DLGAP2: variants seen among roughly 807,000 people sequenced by gnomAD.
The protein encoded by DLGAP2 is DLG associated protein 2, also known as disks large-associated protein 2.
In DLGAP2, 26 loss-of-function variants were observed where a neutral mutation model predicts 100.3. The observed-to-expected ratio is 0.26, with a 90% CI of 0.19 to 0.36. The LOEUF (loss-of-function observed/expected upper bound fraction) is 0.36. DLGAP2 is among the 10% of genes least tolerant of loss of function. The probability of loss-of-function intolerance (pLI) is 1.00; values close to 1 mark genes in which losing one functional copy is unlikely to be tolerated. For missense variants in DLGAP2, 1,858 were observed against 1,453.2 expected (o/e 1.28, Z -4.53); for synonymous variants, 886 against 630.1 (o/e 1.41, Z -6.08).
intron 1 of DLGAP2, among the ~76,000 whole-genome samples, chr8:773,471 A>G (rs1371613627): frequency 6.6e-6 from 1 of 151,262 alleles, no homozygotes; most frequent in Non-Finnish European, 1.5e-5. Flanking sequence ...AGCATTAGGT[A>G]TATCGCCCAG....
intron 2 of DLGAP2, among the ~76,000 whole-genome samples, chr8:1,202,712 A>G (rs982344844): frequency 3.9e-5 from 6 of 152,102 alleles, no homozygotes; most frequent in Admixed American, 2.6e-4. Context: ...CCTACTGCCC[A>G]ACGCTTCCTC....
chr8:1,515,769 C>CA (rs11463985), intron 4 of DLGAP2, among the ~76,000 whole-genome samples: 97,155 of 151,970 alleles, frequency 0.64, 31,504 homozygotes, highest in South Asian at 0.8. Context: ...CACAAACATA[C>CA]AACACATACA....
rs554496460 is a variant in DLGAP2, at chr8:1,101,070, A to G, written c.74-157781A>G. ...TCCTGGCGTTCACAAGCCCACGTCTACTCCTCAGGGGCTAGAAGGGCCTGA... is the reference window on the plus strand; with the variant it reads ...TCCTGGCGTTCACAAGCCCACGTCTGCTCCTCAGGGGCTAGAAGGGCCTGA... On this transcript the variant is annotated intron_variant, in intron 2 of 14. Coordinates refer to ENST00000637795, the MANE Select transcript of DLGAP2 (RefSeq NM_001346810.2). Among the ~76,000 whole-genome samples the G allele has an allele frequency of 5.9e-5, 9 of 152,178 alleles. No homozygotes were observed. In the South Asian group the frequency reaches 1.2e-3, roughly 21 times the overall value.
chr8:1,409,373 G>A (rs1420372439), intron 3 of DLGAP2, among the ~76,000 whole-genome samples: 1 of 152,078 alleles, frequency 6.6e-6, no homozygotes, highest in Non-Finnish European at 1.5e-5. Context: ...CTCACCGTAG[G>A]CGCCCAGCTC....
chr8:1,027,413 C>CA (rs1801833470), intron 2 of DLGAP2, among the ~76,000 whole-genome samples: 2 of 111,674 alleles, frequency 1.8e-5, no homozygotes, highest in African/African-American at 3.5e-5. Flanking sequence ...GTGGGGTGCT[C>CA]GGTGCCTGTT....
chr8:1,093,448 C>A (rs1804254366), intron 2 of DLGAP2, among the ~76,000 whole-genome samples: 1 of 150,884 alleles, frequency 6.6e-6, no homozygotes, highest in Non-Finnish European at 1.5e-5. Flanking sequence ...CAGACAGAAA[C>A]ACTTTCACAC....
Position 1,704,381 on chromosome 8 carries a change from T to G in DLGAP2, c.*2975T>G, listed in dbSNP as rs1349237220. The G allele has an allele frequency of 1.3e-5, 2 of 152,194 alleles. No homozygotes were observed. The highest frequency in any genetic ancestry group is 2.4e-5 in the African/African-American group (1 of 41,438). 9.4% of individuals were successfully genotyped at this position (152,194 alleles called of 1,614,324 possible). A position where few individuals can be genotyped will look rare whatever the true frequency, so the allele number is the denominator to read the frequency against. ...ACTCTCCTTAGAGCCGACAGGTTGA[T>G]CCTGCTGTGTTGAAGGCTGTGGTTA... On this transcript the variant is annotated 3_prime_UTR_variant, in exon 15 of 15. Coordinates refer to ENST00000637795, the MANE Select transcript of DLGAP2 (RefSeq NM_001346810.2).
intron 2 of DLGAP2, among the ~76,000 whole-genome samples, chr8:1,082,339 C>G (rs1404271201): frequency 6.6e-6 from 1 of 152,146 alleles, no homozygotes; most frequent in Non-Finnish European, 1.5e-5. Flanking sequence ...CCCGTTGAGT[C>G]TTCCCATTTC....
intron 3 of DLGAP2, among the ~76,000 whole-genome samples, chr8:1,286,701 G>A (rs1240487599): frequency 6.6e-6 from 1 of 152,162 alleles, no homozygotes; most frequent in Non-Finnish European, 1.5e-5. Flanking sequence ...ATATCTCCAA[G>A]GCATTAAGCA....
intron 3 of DLGAP2, among the ~76,000 whole-genome samples, chr8:1,482,515 T>C (rs10106787): frequency 0.63 from 96,306 of 152,218 alleles, 30,623 homozygotes; most frequent in Admixed American, 0.7. Flanking sequence ...TTTAATTTTT[T>C]ACACGGTAGT....
chr8:871,961 C>T (rs1282810442), intron 1 of DLGAP2, among the ~76,000 whole-genome samples: 1 of 152,164 alleles, frequency 6.6e-6, no homozygotes, highest in African/African-American at 2.4e-5. Context: ...TGAATTTCTT[C>T]TTACATACTC....
intron 1 of DLGAP2, among the ~76,000 whole-genome samples, chr8:780,324 C>A (rs1417519335): frequency 6.6e-6 from 1 of 152,204 alleles, no homozygotes; most frequent in Non-Finnish European, 1.5e-5. Flanking sequence ...AACAGGATTT[C>A]TTTTTCTTTT....
chr8:1,291,081 C>T (rs1392756067), intron 3 of DLGAP2, among the ~76,000 whole-genome samples: 2 of 152,114 alleles, frequency 1.3e-5, no homozygotes, highest in Non-Finnish European at 2.9e-5. Context: ...ACATAACAGT[C>T]ACAGGGCCTA....
chr8:900,436 C>A (rs1798230094), intron 1 of DLGAP2, among the ~76,000 whole-genome samples: 1 of 152,236 alleles, frequency 6.6e-6, no homozygotes, highest in South Asian at 2.1e-4. Context: ...AGGCCCACAT[C>A]CTCTCACTCC....
intron 2 of DLGAP2, among the ~76,000 whole-genome samples, chr8:989,226 C>A (rs905859460): frequency 1.3e-5 from 2 of 152,086 alleles, no homozygotes; most frequent in African/African-American, 4.8e-5. Context: ...CAGCAGTGCT[C>A]CCCCGGAGTC....
At chr8:1,646,533 C>G (rs1365478779) in intron 8 of DLGAP2, among the ~76,000 whole-genome samples, 3 of 152,166 alleles carry the variant, frequency 2.0e-5, no homozygotes, top group Non-Finnish European at 2.9e-5. Context: ...TTTTCAGGTT[C>G]TGTATTTAAA....
At chr8:1,012,835 G>A (rs948948769) in intron 2 of DLGAP2, among the ~76,000 whole-genome samples, 1 of 149,350 alleles carries the variant, frequency 6.7e-6, no homozygotes, top group African/African-American at 2.5e-5. Context: ...GTGTTCCCCC[G>A]CCTCCACCCA....
chr8:752,419 C>T (rs1021168501), intron 1 of DLGAP2, among the ~76,000 whole-genome samples: 13 of 152,210 alleles, frequency 8.5e-5, no homozygotes, highest in East Asian at 7.7e-4. Flanking sequence ...TCTTGCCCGC[C>T]GGAGAGCCAC....
In DLGAP2 at chr8:1,074,302, C is replaced by G. The variant is rs375488973; in HGVS notation, c.73+166336C>G. ...CACCCAGGTACATATTCAGGATTCA[C>G]TGTCACAGAAGGGTTTGCAGCAGAC... On this transcript the variant is annotated intron_variant, in intron 2 of 14. Transcript: ENST00000637795. Among the ~76,000 whole-genome samples, 70 of 151,882 alleles carry G rather than the reference C, an allele frequency of 4.6e-4. No individual in the cohort carries two copies. The South Asian group carries it at 0.012, about 26-fold the overall frequency.
Sources: gnomAD v4.1 joint callset for allele counts (sites outside exome capture counted in the v4.1 genomes callset) on GRCh38, gnomAD v4.1.1 for gene constraint, MANE v1.5 for transcripts, NCBI Gene and HGNC (gene_info 2026-07-23, HGNC 2026-07-21) for gene names.